The following SLC4A4 variants were observed in gnomAD, a reference collection of about 807,000 sequenced individuals.
The protein encoded by SLC4A4 is electrogenic sodium bicarbonate cotransporter 1.
In SLC4A4, 27 loss-of-function variants were observed where a neutral mutation model predicts 111.5. The ratio of observed to expected loss-of-function variants is 0.24; its 90% CI spans 0.18 to 0.33. The LOEUF (loss-of-function observed/expected upper bound fraction) is 0.33. Ranked by LOEUF, SLC4A4 falls within the 10% of genes least tolerant of loss-of-function variation. The pLI is 1.00. For synonymous variants in SLC4A4, 443 were observed against 463.4 expected (o/e 0.96, Z 0.57); for missense variants, 909 against 1,315.5 (o/e 0.69, Z 4.78).
At chr4:71,179,197 A>C (rs998890129) in intron 2 of SLC4A4, among the ~76,000 whole-genome samples, 3 of 152,194 alleles carry the variant, frequency 2.0e-5, no homozygotes, top group African/African-American at 7.2e-5. Flanking sequence ...TATTGATGGG[A>C]TGTATCTCAA....
chr4:71,416,483 T>G (rs1453978265), intron 7 of SLC4A4, among the ~76,000 whole-genome samples: 1 of 152,188 alleles, frequency 6.6e-6, no homozygotes, highest in Non-Finnish European at 1.5e-5. Context: ...GTTCACTTAT[T>G]TTCAGACCCT....
chr4:71,314,468 G>A (rs886563370), intron 3 of SLC4A4, among the ~76,000 whole-genome samples: 2 of 152,084 alleles, frequency 1.3e-5, no homozygotes, highest in African/African-American at 2.4e-5. Context: ...ACATGCACAC[G>A]TATGTTTATT....
chr4:71,427,425 T>C (rs998264678), intron 7 of SLC4A4, among the ~76,000 whole-genome samples: 2 of 152,118 alleles, frequency 1.3e-5, no homozygotes, highest in African/African-American at 2.4e-5. Context: ...AGTATTTTGT[T>C]TTTTAAATGG....
intron 7 of SLC4A4, among the ~76,000 whole-genome samples, chr4:71,433,068 A>G (rs1723789069): frequency 6.6e-6 from 1 of 152,138 alleles, no homozygotes; most frequent in Non-Finnish European, 1.5e-5. Context: ...ACTGCAGAAT[A>G]ACACCTATAA....
chr4:71,181,220 T>TG (rs1229355955), intron 2 of SLC4A4, among the ~76,000 whole-genome samples: 1 of 64,240 alleles, frequency 1.6e-5, no homozygotes, highest in Non-Finnish European at 2.8e-5. Flanking sequence ...TGTTGTGGGG[T>TG]GGGGGGAGGG....
At chr4:71,417,241 G>A (rs1191178141) in intron 7 of SLC4A4, among the ~76,000 whole-genome samples, 4 of 152,122 alleles carry the variant, frequency 2.6e-5, no homozygotes, top group African/African-American at 9.7e-5. Flanking sequence ...TGTCTTTAAA[G>A]TACTTGTAGT....
chr4:71,280,413 G>A (rs1560842497), intron 3 of SLC4A4, among the ~76,000 whole-genome samples: 1 of 152,166 alleles, frequency 6.6e-6, no homozygotes, highest in Admixed American at 6.5e-5. Context: ...GTAGTCCCAT[G>A]TATTTATTTT....
At chr4:71,531,385 C>T (rs980446215) in intron 16 of SLC4A4, among the ~76,000 whole-genome samples, 7 of 152,124 alleles carry the variant, frequency 4.6e-5, no homozygotes, top group African/African-American at 9.7e-5. Flanking sequence ...GTCCCACATA[C>T]GTGAGACTTT....
At chr4:71,389,385 C>T (rs952436518) in intron 6 of SLC4A4, among the ~76,000 whole-genome samples, 5 of 152,200 alleles carry the variant, frequency 3.3e-5, no homozygotes, top group Non-Finnish European at 7.3e-5. Flanking sequence ...TCATATGCTT[C>T]GACTTATTTT....
intron 4 of SLC4A4, among the ~76,000 whole-genome samples, chr4:71,340,044 C>T (rs1043957909): frequency 6.6e-6 from 1 of 151,352 alleles, no homozygotes; most frequent in Non-Finnish European, 1.5e-5. Context: ...TAATGGGACC[C>T]CATCTCTACA....
chr4:71,210,657 T>C (rs899668413), intron 1 of SLC4A4, among the ~76,000 whole-genome samples: 6 of 152,254 alleles, frequency 3.9e-5, no homozygotes, highest in African/African-American at 1.2e-4. Context: ...GGCTTTCTTC[T>C]TGTTACTGGG....
intron 2 of SLC4A4, among the ~76,000 whole-genome samples, chr4:71,239,770 T>C (rs1163787402): frequency 6.6e-6 from 1 of 152,214 alleles, no homozygotes; most frequent in Non-Finnish European, 1.5e-5. Flanking sequence ...TTTTAATCTT[T>C]AAAATAAATA....
At chr4:71,388,489 G>C (rs1212982476) in intron 6 of SLC4A4, among the ~76,000 whole-genome samples, 2 of 152,126 alleles carry the variant, frequency 1.3e-5, no homozygotes, top group Admixed American at 6.5e-5. Context: ...TTGTGAGAAA[G>C]AGCATGAAAT....
intron 4 of SLC4A4, among the ~76,000 whole-genome samples, chr4:71,346,445 A>C (rs1729334322): frequency 7.3e-6 from 1 of 136,294 alleles, no homozygotes; most frequent in Non-Finnish European, 1.6e-5. Context: ...CTTTTAGTAT[A>C]CTATTGCAAA....
chr4:71,369,003 G>GTCCTCC (rs370537956), intron 6 of SLC4A4, among the ~76,000 whole-genome samples: 1 of 151,930 alleles, frequency 6.6e-6, no homozygotes. Context: ...CTGCTCATGT[G>GTCCTCC]TCCTCCTCCT....
At chr4:71,408,714 C>A (rs534347607) in intron 7 of SLC4A4, among the ~76,000 whole-genome samples, 2 of 152,318 alleles carry the variant, frequency 1.3e-5, no homozygotes, top group South Asian at 4.1e-4. Context: ...CAAAACTTGT[C>A]AAGTGTTACT....
chr4:71,349,943 G>A lies in SLC4A4; in HGVS notation c.421G>A (p.Gly141Ser). ...CAAGTTTGAAGAAAAAGTGGAACAGGGTGGGGAAAGATGGAGCAAGCCCCA... is the reference window on the plus strand; with the variant it reads ...CAAGTTTGAAGAAAAAGTGGAACAGAGTGGGGAAAGATGGAGCAAGCCCCA... ...WIKFEEKVEQ[G>S]GERWSKPHVA... is the part of the protein sequence containing the mutation. Residue 141 changes from glycine to serine, a missense_variant, in exon 5 of 26, where the codon GGT (glycine) becomes AGT (serine). Coordinates refer to ENST00000264485, the MANE Select transcript of SLC4A4 (RefSeq NM_001098484.3). The A allele has an allele frequency of 6.2e-7, 1 of 1,614,086 alleles. No homozygotes were observed. Among genetic ancestry groups the A allele is most frequent in the Non-Finnish European group, 8.5e-7 (1 of 1,179,974 alleles).
intron 7 of SLC4A4, among the ~76,000 whole-genome samples, chr4:71,422,474 C>T (rs1264449089): frequency 1.3e-5 from 2 of 151,868 alleles, no homozygotes; most frequent in Non-Finnish European, 2.9e-5. Flanking sequence ...GGAATCCTCC[C>T]TAACTCATTT....
intron 3 of SLC4A4, among the ~76,000 whole-genome samples, chr4:71,310,104 T>A (rs1204051710): frequency 6.6e-6 from 1 of 151,400 alleles, no homozygotes; most frequent in African/African-American, 2.4e-5. Flanking sequence ...ATGAACTTAA[T>A]GAAATAAAGC....
Sources: gnomAD v4.1 joint callset for allele counts (sites outside exome capture counted in the v4.1 genomes callset) on GRCh38, gnomAD v4.1.1 for gene constraint, MANE v1.5 for transcripts, NCBI Gene and HGNC (gene_info 2026-07-23, HGNC 2026-07-21) for gene names.